The following DIP2C variants were observed in gnomAD, a reference collection of about 807,000 sequenced individuals.
The protein encoded by DIP2C is disco-interacting protein 2 homolog C.
In DIP2C, 33 loss-of-function variants were observed where a neutral mutation model predicts 192.4. That is an observed-to-expected ratio of 0.17 (90% confidence interval 0.13 to 0.23). The LOEUF (loss-of-function observed/expected upper bound fraction) is 0.23, where lower values mean the gene tolerates loss of function less well. Ranked by LOEUF, DIP2C falls within the 10% of genes least tolerant of loss-of-function variation. DIP2C has a pLI of 1.00. For synonymous variants in DIP2C, 979 were observed against 864.1 expected (o/e 1.13, Z -2.33); for missense variants, 1,537 against 2,110.1 (o/e 0.73, Z 5.32).
rs72774530 is a variant in DIP2C, at chr10:496,547, G to A, written c.86-10017C>T. Among the ~76,000 whole-genome samples the A allele has an allele frequency of 4.9e-3, 690 of 140,040 alleles. 3 individuals are homozygous for A. The highest frequency in any genetic ancestry group is 7.1e-3 in the Non-Finnish European group (472 of 66,084). 91.9% of individuals were successfully genotyped at this position (140,040 alleles called of 152,430 possible). ...ATTACTCCCAAATACCCCAAACAAC[G>A]TGAGTGCTGAGTACACACAACACAT... On this transcript the variant is annotated intron_variant, in intron 1 of 36. Coordinates refer to ENST00000280886, the MANE Select transcript of DIP2C (RefSeq NM_014974.3).
intron 1 of DIP2C, among the ~76,000 whole-genome samples, chr10:509,679 T>G (rs1588342115): frequency 6.6e-6 from 1 of 152,140 alleles, no homozygotes; most frequent in East Asian, 1.9e-4. Context: ...CTAAGGGGGC[T>G]CATAAGCAGA....
Position 382,769 on chromosome 10 carries a change from GA to G in DIP2C, c.1877-9del. The G allele has an allele frequency of 6.3e-7, 1 of 1,585,390 alleles. No homozygotes were observed. The highest frequency in any genetic ancestry group is 8.6e-7 in the Non-Finnish European group (1 of 1,158,700). On this transcript the variant is annotated splice_polypyrimidine_tract_variant and intron_variant, in intron 16 of 36. Transcript: ENST00000280886. Reference sequence around the variant, plus strand: ...CGCAAGAAGAAATAGACCCTAGAGTGAAAGAGGGACAATGATCAGACAGCTG... The same window carrying G: ...CGCAAGAAGAAATAGACCCTAGAGTGAAGAGGGACAATGATCAGACAGCTG...
Position 651,585 on chromosome 10 carries a change from C to G in DIP2C, c.85+37909G>C. 2.6e-6 allele frequency: 1 copy of G among 385,120 alleles called. No individual in the cohort carries two copies. The highest frequency in any genetic ancestry group is 5.0e-6 in the Non-Finnish European group (1 of 200,858). The allele number at this position is 385,120 out of a possible 1,614,324, so 23.9% of individuals were successfully genotyped here. A position where few individuals can be genotyped will look rare whatever the true frequency, so the allele number is the denominator to read the frequency against. ...TTAAATGTTGTTAAGCAGTATTTCC[C>G]CCAAAAGGTGCATCTTTTATAAAAC... On this transcript the variant is annotated intron_variant, in intron 1 of 36. Transcript: ENST00000280886. The surrounding 1 kb of genome is among the most constrained non-coding windows in gnomAD (Gnocchi z 4.1).
intron 9 of DIP2C, among the ~76,000 whole-genome samples, chr10:404,077 T>C (rs1208819679): frequency 2.0e-5 from 3 of 151,990 alleles, no homozygotes; most frequent in Non-Finnish European, 4.4e-5. Flanking sequence ...CATCAGCACA[T>C]GAATCCTATG....
At chr10:576,360 G>A (rs750532453) in intron 1 of DIP2C, among the ~76,000 whole-genome samples, 18 of 152,324 alleles carry the variant, frequency 1.2e-4, no homozygotes, top group African/African-American at 2.2e-4. Flanking sequence ...GAAAGGCAAT[G>A]TTAAGAAGCG....
chr10:544,318 A>G (rs529486918), intron 1 of DIP2C, among the ~76,000 whole-genome samples: 1 of 152,242 alleles, frequency 6.6e-6, no homozygotes, highest in Non-Finnish European at 1.5e-5. Flanking sequence ...TTGTGTGCAA[A>G]TTTTCTTTAT....
chr10:402,074 T>C (rs79949730), intron 9 of DIP2C, among the ~76,000 whole-genome samples: 5,629 of 6,988 alleles, frequency 0.81, 2,141 homozygotes, highest in South Asian at 0.88. Flanking sequence ...TGATTTTACA[T>C]GTGTGGTAGC....
intron 1 of DIP2C, among the ~76,000 whole-genome samples, chr10:688,792 C>T (rs1328855910): frequency 6.6e-6 from 1 of 152,244 alleles, no homozygotes; most frequent in South Asian, 2.1e-4. Context: ...TGCCACAAAC[C>T]CTCCTACGAG....
intron 1 of DIP2C, among the ~76,000 whole-genome samples, chr10:553,590 G>C (rs1848688621): frequency 6.6e-6 from 1 of 152,326 alleles, no homozygotes; most frequent in South Asian, 2.1e-4. Context: ...AGTATCTCTT[G>C]AGTATGTGCA....
intron 9 of DIP2C, among the ~76,000 whole-genome samples, chr10:399,565 A>G (rs923055771): frequency 6.6e-6 from 1 of 152,196 alleles, no homozygotes. Flanking sequence ...TACAGTCTTC[A>G]TAACTGTCCT....
intron 1 of DIP2C, chr10:662,664 TCATC>T: frequency 7.0e-6 from 4 of 567,740 alleles, no homozygotes; most frequent in Middle Eastern, 4.2e-4. Context: ...TTTTTCTTTT[TCATC>T]TTTTTAAAAT....
intron 1 of DIP2C, among the ~76,000 whole-genome samples, chr10:538,935 T>C (rs905340706): frequency 1.3e-5 from 2 of 151,504 alleles, no homozygotes. Flanking sequence ...TGAACCTCAG[T>C]TGTGAGTTGT....
chr10:332,252 T>C (rs1475429106), intron 29 of DIP2C, among the ~76,000 whole-genome samples: 1 of 152,180 alleles, frequency 6.6e-6, no homozygotes, highest in African/African-American at 2.4e-5. Context: ...TGGAAGTGGC[T>C]TCCTCAAAAA....
chr10:305,993 A>ATATATATATATATATATG (rs958069491), intron 32 of DIP2C, among the ~76,000 whole-genome samples: 7 of 142,698 alleles, frequency 4.9e-5, no homozygotes, highest in African/African-American at 1.6e-4. Flanking sequence ...ATATATATAT[A>ATATATATATATATATATG]TTATATTTTT....
intron 1 of DIP2C, among the ~76,000 whole-genome samples, chr10:566,938 G>A (rs1039039995): frequency 3.3e-5 from 5 of 152,238 alleles, no homozygotes; most frequent in African/African-American, 9.6e-5. Context: ...AATGCTGAGG[G>A]AGCCATCTCA....
Position 366,419 on chromosome 10 carries a change from C to G in DIP2C, c.2132-8G>C. On this transcript the variant is annotated splice_polypyrimidine_tract_variant and splice_region_variant and intron_variant, in intron 18 of 36. Transcript: ENST00000280886. ...TCACTGAACACATGATGGCTAAAAGCAAACAGGAAAGCACATGCAGTGTGA... is the reference window on the plus strand; with the variant it reads ...TCACTGAACACATGATGGCTAAAAGGAAACAGGAAAGCACATGCAGTGTGA... 1.2e-6 allele frequency: 2 copies of G among 1,614,072 alleles called. No individual in the cohort carries two copies. The highest frequency in any genetic ancestry group is 1.7e-6 in the Non-Finnish European group (2 of 1,180,004).
chr10:644,084 G>T (rs896894293), intron 1 of DIP2C, among the ~76,000 whole-genome samples: 3 of 152,244 alleles, frequency 2.0e-5, no homozygotes, highest in Non-Finnish European at 4.4e-5. Context: ...AAACAATCTA[G>T]AAGGTCAGGA....
At chr10:573,674 T>G (rs1175130782) in intron 1 of DIP2C, among the ~76,000 whole-genome samples, 1 of 152,054 alleles carries the variant, frequency 6.6e-6, no homozygotes, top group Non-Finnish European at 1.5e-5. Flanking sequence ...CCTCCCAAAG[T>G]GCTGGGATTA....
chr10:419,280 G>C, intron 5 of DIP2C, 81 bp from the exon 6 acceptor site: 1 of 1,593,746 alleles, frequency 6.3e-7, no homozygotes, highest in South Asian at 1.1e-5. Flanking sequence ...CCCAGGAAGA[G>C]ACTGAAGCAC....
Sources: gnomAD v4.1 joint callset for allele counts (sites outside exome capture counted in the v4.1 genomes callset) on GRCh38, gnomAD v4.1.1 for gene constraint, Gnocchi (gnomAD v3.1) non-coding constraint, MANE v1.5 for transcripts, NCBI Gene and HGNC (gene_info 2026-07-23, HGNC 2026-07-21) for gene names.